CNDP2: variants seen among roughly 807,000 people sequenced by gnomAD.
The protein encoded by CNDP2 is carnosine dipeptidase 2, also known as cytosolic non-specific dipeptidase.
A neutral mutation model predicts 55.0 loss-of-function variants in CNDP2; 38 were observed. The observed-to-expected ratio is 0.69, with a 90% CI of 0.53 to 0.90. The LOEUF (loss-of-function observed/expected upper bound fraction) is 0.90, where lower values mean the gene tolerates loss of function less well. Among genes scored for constraint, CNDP2 ranks in the 40% least tolerant of loss-of-function variants. The pLI, the probability that CNDP2 is intolerant of heterozygous loss-of-function variation, is 0.00. For missense variants in CNDP2, 607 were observed against 621.7 expected (o/e 0.98, Z 0.25); for synonymous variants, 241 against 260.2 (o/e 0.93, Z 0.71).
chr18:74,503,073 G>GTTTTTTTTTTTTTT (rs72527615), intron 3 of CNDP2, among the ~76,000 whole-genome samples: 1 of 142,190 alleles, frequency 7.0e-6, no homozygotes. Flanking sequence ...GCTCCCTTTC[G>GTTTTTTTTTTTTTT]TTTTTTTTTT....
intron 6 of CNDP2, 56 bp from the exon 7 acceptor site, chr18:74,512,392 G>A: frequency 6.8e-7 from 1 of 1,471,280 alleles, no homozygotes; most frequent in South Asian, 1.2e-5. Context: ...ACTGTCACAT[G>A]ATAAAAATAA....
intron 8 of CNDP2, among the ~76,000 whole-genome samples, chr18:74,515,130 C>T (rs1412393451): frequency 6.6e-6 from 1 of 152,202 alleles, no homozygotes; most frequent in African/African-American, 2.4e-5. Context: ...ACCGACATGC[C>T]GGCCTGATGG....
At chr18:74,513,436 C>A in intron 7 of CNDP2, 123 bp from the exon 8 acceptor site, 1 of 1,043,100 alleles carries the variant, frequency 9.6e-7, no homozygotes, top group Non-Finnish European at 1.3e-6. Context: ...TCCTCAGCCA[C>A]GTGGCTGTGG....
chr18:74,496,679 G>A (rs1361300741), intron 1 of CNDP2, among the ~76,000 whole-genome samples: 1 of 152,190 alleles, frequency 6.6e-6, no homozygotes, highest in Non-Finnish European at 1.5e-5. Context: ...TCCCAGCAGC[G>A]CCGAGCGCGT....
At chr18:74,500,393 T>C (rs187225761) in intron 2 of CNDP2, among the ~76,000 whole-genome samples, 5 of 152,356 alleles carry the variant, frequency 3.3e-5, no homozygotes, top group Admixed American at 3.3e-4. Context: ...TTAAAGTTAT[T>C]CTTCGTACAT....
Position 74,518,655 on chromosome 18 carries a change from T to C in CNDP2, c.1210+15T>C. ...CATGAAGACAGGTTGGACGCTCTCC[T>C]TGTGGATGATGCCGCGCAGGGCCCT... On this transcript the variant is annotated intron_variant, in intron 10 of 11. Coordinates refer to ENST00000324262, the MANE Select transcript of CNDP2 (RefSeq NM_018235.3). 1 of 1,613,892 alleles carries C rather than the reference T, an allele frequency of 6.2e-7. No homozygotes were observed. The highest frequency in any genetic ancestry group is 8.5e-7 in the Non-Finnish European group (1 of 1,180,002).
At chr18:74,508,103 C>T (rs1599064798) in intron 4 of CNDP2, 2 of 152,378 alleles carry the variant, frequency 1.3e-5, no homozygotes, top group East Asian at 1.9e-4. Context: ...AGACTGGCCA[C>T]GCAGACCCAG....
chr18:74,506,636 T>A (rs1473476034), intron 4 of CNDP2, among the ~76,000 whole-genome samples: 1 of 152,100 alleles, frequency 6.6e-6, no homozygotes, highest in Non-Finnish European at 1.5e-5. Context: ...TGTCCCCTTG[T>A]CCCCCTCCCC....
chr18:74,498,629 C>A (rs1411992119), intron 1 of CNDP2, among the ~76,000 whole-genome samples: 1 of 152,120 alleles, frequency 6.6e-6, no homozygotes, highest in South Asian at 2.1e-4. Flanking sequence ...ATAGGATTTC[C>A]TTTAATGTGA....
At position 74,513,608 on chromosome 18, in the gene CNDP2, G is replaced by A; in HGVS notation, c.792G>A (p.Glu264=). 6.2e-7 allele frequency: 1 copy of A among 1,613,986 alleles called. No individual in the cohort carries two copies. The highest frequency in any genetic ancestry group is 1.1e-5 in the South Asian group (1 of 91,090). The part of the protein sequence containing the change: ...RGNILIPGIN[E]AVAAVTEEEH... ...ACATCCTGATCCCCGGCATTAACGA[G>A]GCCGTGGCCGCCGTCACGGAAGAGG... The change falls in exon 8 of 12, where the codon GAG becomes GAA. Residue 264 remains glutamate, a synonymous_variant. Transcript: ENST00000324262.
At chr18:74,497,471 C>A in intron 1 of CNDP2, 1 of 152,356 alleles carries the variant, frequency 6.6e-6, no homozygotes, top group Non-Finnish European at 1.5e-5. Flanking sequence ...CTGCCCTCCA[C>A]TAGTCTCAAC....
chr18:74,496,491 G>C (rs968789243), intron 1 of CNDP2, 60 bp downstream of exon 1: 2 of 152,588 alleles, frequency 1.3e-5, no homozygotes, highest in African/African-American at 4.8e-5. Flanking sequence ...GAACGGGCTG[G>C]GCGGGGAGGA....
In CNDP2 at chr18:74,518,638, C is replaced by T; in HGVS notation, c.1208C>T (p.Thr403Ile). The T allele has an allele frequency of 2.5e-6, 4 of 1,614,140 alleles. No homozygotes were observed. The highest frequency in any genetic ancestry group is 1.7e-4 in the Middle Eastern group (1 of 5,946). The part of the protein sequence containing the change: ...HYLAGRRAMK[T>I]VFGVEPDLTR... ...CTGGCTGGGAGAAGAGCCATGAAGA[C>T]AGGTTGGACGCTCTCCTTGTGGATG... The change falls in exon 10 of 12, where the codon ACA becomes ATA. Residue 403 changes from threonine to isoleucine, a missense_variant and splice_region_variant. Physicochemically the swap from Thr to Ile is moderately conservative, Grantham distance 89. Transcript: ENST00000324262.
rs1324150384 is a variant in CNDP2, at chr18:74,511,023, C to A, written c.657+10C>A. 1 of 1,608,780 alleles carries A rather than the reference C, an allele frequency of 6.2e-7. No individual in the cohort carries two copies. The highest frequency in any genetic ancestry group is 1.3e-5 in the African/African-American group (1 of 74,796). On this transcript the variant is annotated intron_variant, in intron 6 of 11. Transcript: ENST00000324262. ...CTACTTTTTCATCGAGGTACAGTGC[C>A]AAGCTGTACGGGTCACTTCTTTCTA...
chr18:74,507,151 C>T (rs989753805), intron 4 of CNDP2: 2 of 152,300 alleles, frequency 1.3e-5, no homozygotes, highest in Non-Finnish European at 2.9e-5. Context: ...TTAACCCTCT[C>T]TGTGCACTTG....
At chr18:74,519,895 C>A in intron 11 of CNDP2, 104 bp from the exon 12 acceptor site, 1 of 1,026,734 alleles carries the variant, frequency 9.7e-7, no homozygotes. Context: ...GGGGATGCTC[C>A]CCAGGAAGAA....
At position 74,509,328 on chromosome 18, in the gene CNDP2, T is replaced by C. The variant is rs1356888230; in HGVS notation, c.456+400T>C. The C allele has an allele frequency of 2.4e-5, 4 of 169,084 alleles. No individual in the cohort carries two copies. In the Admixed American group the frequency reaches 2.4e-4, roughly 10 times the overall value. 10.5% of individuals were successfully genotyped at this position (169,084 alleles called of 1,614,324 possible). On this transcript the variant is annotated intron_variant, in intron 5 of 11. Transcript: ENST00000324262. Reference sequence around the variant, plus strand: ...CCTCCTAAAAATAAATTCTGATTTTTAAAATGTATTCTCTGGCTGGGTGCA... The same window carrying C: ...CCTCCTAAAAATAAATTCTGATTTTCAAAATGTATTCTCTGGCTGGGTGCA...
Position 74,512,438 on chromosome 18 carries a change from T to G in CNDP2, c.658-10T>G. 1 of 1,610,808 alleles carries G rather than the reference T, an allele frequency of 6.2e-7. No homozygotes were observed. The highest frequency in any genetic ancestry group is 8.5e-7 in the Non-Finnish European group (1 of 1,177,950). On this transcript the variant is annotated splice_polypyrimidine_tract_variant and intron_variant, in intron 6 of 11. Transcript: ENST00000324262. ...GGCAGCCAGACACAGTGGCCTTTGT[T>G]TCCGTGCAGGTGGAGTGCAGCAACA...
chr18:74,519,062 G>A lies in CNDP2; in HGVS notation c.1324G>A (p.Asp442Asn), dbSNP rs1384893423. The change falls in exon 11 of 12, where the codon GAC becomes AAC. Residue 442 changes from aspartate to asparagine, a missense_variant. Asp to Asn is a conservative substitution (Grantham distance 23). Transcript: ENST00000324262. ...GCTGCTGCCTGTGGGGTCAGCGGAT[G>A]ACGGAGCCCACTCCCAGAATGAAAA... ...VMLLPVGSAD[D>N]GAHSQNEKLN... 1.2e-6 allele frequency: 2 copies of A among 1,611,864 alleles called. No homozygotes were observed. The highest frequency in any genetic ancestry group is 1.7e-6 in the Non-Finnish European group (2 of 1,178,146).
Sources: gnomAD v4.1 joint callset for allele counts (sites outside exome capture counted in the v4.1 genomes callset) on GRCh38, gnomAD v4.1.1 for gene constraint, MANE v1.5 for transcripts, NCBI Gene and HGNC (gene_info 2026-07-23, HGNC 2026-07-21) for gene names.